PKD1L1: variants seen among roughly 807,000 people sequenced by gnomAD.
PKD1L1 encodes the protein polycystin 1 like 1, transient receptor potential channel interacting.
In PKD1L1, 236 loss-of-function variants were observed where a neutral mutation model predicts 323.4. The observed-to-expected ratio is 0.73, with a 90% confidence interval of 0.66 to 0.81. PKD1L1 has a LOEUF of 0.81. Ranked by LOEUF, PKD1L1 falls within the 40% of genes least tolerant of loss-of-function variation. PKD1L1 has a pLI of 0.00. For missense variants in PKD1L1, 3,320 were observed against 3,508.0 expected (o/e 0.95, Z 1.35); for synonymous variants, 1,344 against 1,335.0 (o/e 1.01, Z -0.15).
At position 47,885,732 on chromosome 7, in the gene PKD1L1, G is replaced by C; in HGVS notation, c.3159C>G (p.Arg1053=). The change falls in exon 18 of 57, where the codon CGC becomes CGG. Residue 1053 remains arginine, a synonymous_variant. Coordinates refer to ENST00000289672, the MANE Select transcript of PKD1L1 (RefSeq NM_138295.5). ...TGTGGGTGGGCTGACTTCTCTCAGA[G>C]CGGCCAGTCATCAGGGATCCCTTGC... ...PQSKGSLMTG[R]SERSQPTHSP... is the part of the protein sequence containing the mutation. The C allele has an allele frequency of 6.2e-7, 1 of 1,614,098 alleles. No homozygotes were observed. The highest frequency in any genetic ancestry group is 8.5e-7 in the Non-Finnish European group (1 of 1,179,992).
At position 47,904,377 on chromosome 7, in the gene PKD1L1, C is replaced by A. The variant is rs773010463; in HGVS notation, c.1931+1G>T. ...CACTCCGCCGCCTTGCAGTGGCTCA[C>A]CTACTGTAGACATGGCTGCTGGAGC... On this transcript the variant is annotated splice_donor_variant, in intron 12 of 56. Transcript: ENST00000289672. LOFTEE classifies it high-confidence loss of function. 53 of 1,614,040 alleles carry A rather than the reference C, an allele frequency of 3.3e-5. No homozygotes were observed. The highest frequency in any genetic ancestry group is 4.2e-5 in the Non-Finnish European group (50 of 1,179,984).
rs183075686 is a variant in PKD1L1 at position 47,857,923 on chromosome 7, A to T, written c.4363-91T>A. On this transcript the variant is annotated intron_variant, in intron 27 of 56. Coordinates refer to ENST00000289672, the MANE Select transcript of PKD1L1 (RefSeq NM_138295.5). ...ACTAGGAGAGAGGGGAAAAGTAGTT[A>T]AAAAGCCCATCTCAAGTTAGATTGG... is the stretch of plus-strand genomic sequence containing the variant. 7.6e-4 allele frequency: 949 copies of T among 1,250,172 alleles called. 5 individuals carry two copies. The African/African-American group carries it at 0.013, about 17-fold the overall frequency. 77.4% of individuals were successfully genotyped at this position (1,250,172 alleles called of 1,614,324 possible). A position where few individuals can be genotyped will look rare whatever the true frequency, so the allele number is the denominator to read the frequency against.
intron 56 of PKD1L1, among the ~76,000 whole-genome samples, chr7:47,782,425 C>A (rs1172891745): frequency 6.6e-6 from 1 of 152,200 alleles, no homozygotes; most frequent in African/African-American, 2.4e-5. Context: ...ACAACTGCAG[C>A]AGAAAACTTT....
intron 19 of PKD1L1, among the ~76,000 whole-genome samples, chr7:47,884,278 G>A (rs755165839): frequency 9.2e-5 from 14 of 152,158 alleles, no homozygotes; most frequent in Non-Finnish European, 1.6e-4. Context: ...TCGCTGAGCA[G>A]ATAACTTAGG....
chr7:47,925,813 G>A (rs766429033), intron 7 of PKD1L1, among the ~76,000 whole-genome samples: 18 of 152,158 alleles, frequency 1.2e-4, no homozygotes, highest in Non-Finnish European at 2.6e-4. Context: ...ATTGTCCTAC[G>A]AAAAGAGGAG....
rs186726605 is a variant in PKD1L1, at chr7:47,790,353, G to A, written c.8526+2274C>T. On this transcript the variant is annotated intron_variant, in intron 56 of 56. Coordinates refer to ENST00000289672, the MANE Select transcript of PKD1L1 (RefSeq NM_138295.5). ...TAAATAATTTTTTTTTTTTTGAGAT[G>A]GAGTCTCATTCTGTCACCCAGGCTG... is the stretch of plus-strand genomic sequence containing the variant. Among the ~76,000 whole-genome samples, 176 of 148,562 alleles carry A rather than the reference G, an allele frequency of 1.2e-3. 1 individual carries two copies. The highest frequency in any genetic ancestry group is 4.0e-3 in the African/African-American group (159 of 40,058).
At position 47,931,203 on chromosome 7, in the gene PKD1L1, A is replaced by G. The variant is rs751821137; in HGVS notation, c.638T>C (p.Val213Ala). 5.6e-6 allele frequency: 9 copies of G among 1,614,208 alleles called. No individual in the cohort carries two copies. In the South Asian group the frequency reaches 9.9e-5, roughly 18 times the overall value. ...CACCTTGGTGGGGGTCTCCATCGTG[A>G]CAGTCCCAGGAAGCAGCCCCGTGGC... ...DVATGLLPGT[V>A]TMETPTKVAR... Residue 213 changes from valine to alanine, a missense_variant, in exon 6 of 57, where the codon GTC (valine) becomes GCC (alanine). By Grantham distance (64) the Val-to-Ala change is moderately conservative. Transcript: ENST00000289672.
intron 21 of PKD1L1, among the ~76,000 whole-genome samples, chr7:47,880,261 TATACATATATA>T (rs1427041361): frequency 2.4e-3 from 228 of 93,794 alleles, no homozygotes; most frequent in Non-Finnish European, 3.9e-3. Context: ...TATATATATA[TATACATATATA>T]TATATATATA....
chr7:47,959,300 G>T, the PKD1L1 span, among the ~76,000 whole-genome samples: 1 of 151,300 alleles, frequency 6.6e-6, no homozygotes, highest in Non-Finnish European at 1.5e-5. Context: ...GGGATGTGAG[G>T]AGCCCCTCTG....
the PKD1L1 span, among the ~76,000 whole-genome samples, chr7:47,959,997 G>A: frequency 5.4e-5 from 8 of 148,764 alleles, no homozygotes; most frequent in East Asian, 1.4e-3. Flanking sequence ...AGGTGGACAC[G>A]GGAGACTTTT....
At chr7:47,886,890 G>A (rs549633708) in intron 17 of PKD1L1, among the ~76,000 whole-genome samples, 1 of 152,186 alleles carries the variant, frequency 6.6e-6, no homozygotes, top group South Asian at 2.1e-4. Context: ...ACTGCTGTTA[G>A]AATTTATGAT....
chr7:47,843,764 T>C (rs9639016), intron 33 of PKD1L1, among the ~76,000 whole-genome samples: 85,879 of 151,956 alleles, frequency 0.57, 24,757 homozygotes, highest in African/African-American at 0.61. Flanking sequence ...CATATCAAGC[T>C]GCTGTGCAGG....
chr7:47,837,870 T>C (rs1785490657), intron 36 of PKD1L1, among the ~76,000 whole-genome samples: 1 of 152,212 alleles, frequency 6.6e-6, no homozygotes, highest in Admixed American at 6.5e-5. Flanking sequence ...CAGAAGCGAA[T>C]GCCAGAAAAA....
chr7:47,795,287 T>C (rs768317488), intron 55 of PKD1L1: 5 of 451,522 alleles, frequency 1.1e-5, no homozygotes, highest in South Asian at 7.8e-5. Flanking sequence ...GTCTTTCTCA[T>C]GCTATTCTTG....
In PKD1L1 at chr7:47,884,584, A is replaced by G; in HGVS notation, c.3265+14T>C. 1 of 1,612,560 alleles carries G rather than the reference A, an allele frequency of 6.2e-7. No homozygotes were observed. The highest frequency in any genetic ancestry group is 8.5e-7 in the Non-Finnish European group (1 of 1,178,554). The stretch of plus-strand genomic sequence containing the variant: ...CTGAGTGGAGAGAGGCAGCAGGCAT[A>G]GAAGCACAGTCACCTGGCTGTCTTC... On this transcript the variant is annotated intron_variant, in intron 19 of 56. Coordinates refer to ENST00000289672, the MANE Select transcript of PKD1L1 (RefSeq NM_138295.5).
chr7:47,833,560 G>A (rs989919473), intron 40 of PKD1L1, among the ~76,000 whole-genome samples: 2 of 152,168 alleles, frequency 1.3e-5, no homozygotes, highest in Non-Finnish European at 2.9e-5. Flanking sequence ...GGGGAATCCA[G>A]CCAAGAGCAA....
chr7:47,823,081 C>T (rs538859049), intron 45 of PKD1L1, among the ~76,000 whole-genome samples: 158 of 152,186 alleles, frequency 1.0e-3, no homozygotes, highest in African/African-American at 3.7e-3. Flanking sequence ...ATTGCATTGG[C>T]TAGGACTTCC....
intron 7 of PKD1L1, 62 bp downstream of exon 7, chr7:47,929,142 C>T (rs1280437434): frequency 4.0e-6 from 6 of 1,510,586 alleles, no homozygotes; most frequent in Non-Finnish European, 5.4e-6. Flanking sequence ...AACACTGCCT[C>T]TTGGGTCCCC....
intron 46 of PKD1L1, among the ~76,000 whole-genome samples, chr7:47,820,523 A>C (rs942973304): frequency 6.6e-6 from 1 of 152,168 alleles, no homozygotes; most frequent in Non-Finnish European, 1.5e-5. Flanking sequence ...TCAGGAGTTC[A>C]AGACCAGCCT....
Sources: gnomAD v4.1 joint callset for allele counts (sites outside exome capture counted in the v4.1 genomes callset) on GRCh38, gnomAD v4.1.1 for gene constraint, MANE v1.5 for transcripts, NCBI Gene and HGNC (gene_info 2026-07-23, HGNC 2026-07-21) for gene names.